TTC22: variants seen among roughly 807,000 people sequenced by gnomAD.
TTC22 encodes the protein tetratricopeptide repeat domain 22, also known as tetratricopeptide repeat protein 22.
Under a neutral mutation model 48.2 loss-of-function variants are expected in TTC22, and 42 were observed. That is an observed-to-expected ratio of 0.87 (90% CI 0.68 to 1.13). The LOEUF is 1.13. TTC22 is among the 50% of genes most tolerant of loss of function. The pLI is 0.00. For synonymous variants in TTC22, 345 were observed against 365.5 expected, an observed-to-expected ratio of 0.94 and a Z score of 0.64; for missense variants, 784 against 807.0, an observed-to-expected ratio of 0.97 and a Z score of 0.34.
intron 5 of TTC22, chr1:54,785,066 A>G (rs1411672750): frequency 5.2e-6 from 1 of 192,868 alleles, no homozygotes. Flanking sequence ...TGTAATTCTC[A>G]TAACAACTCC....
chr1:54,792,109 G>A (rs925460562), intron 1 of TTC22, among the ~76,000 whole-genome samples: 7 of 152,268 alleles, frequency 4.6e-5, no homozygotes, highest in Non-Finnish European at 8.8e-5. Flanking sequence ...CACTATGCCT[G>A]AATTGCAGGG....
chr1:54,792,621 C>T (rs1388882572), intron 1 of TTC22, among the ~76,000 whole-genome samples: 3 of 152,082 alleles, frequency 2.0e-5, no homozygotes, highest in Admixed American at 1.3e-4. Context: ...TTAGTAGAGA[C>T]GGGGTTTCTC....
Position 54,787,700 on chromosome 1 carries a change from C to CG in TTC22, c.739+10dup. 6.2e-7 allele frequency: 1 copy of CG among 1,604,130 alleles called. No individual in the cohort carries two copies. Among genetic ancestry groups the CG allele is most frequent in the Non-Finnish European group, 8.5e-7 (1 of 1,173,794 alleles). On this transcript the variant is annotated intron_variant, in intron 3 of 6. Coordinates refer to ENST00000371276, the MANE Select transcript of TTC22 (RefSeq NM_001114108.2). Reference sequence around the variant, plus strand: ...AGAGGCTGCTGTCCCACCCATCCCCCGGGTCCCCACCTCGGTGGCGGGGGT... The same window carrying CG: ...AGAGGCTGCTGTCCCACCCATCCCCCGGGGTCCCCACCTCGGTGGCGGGGGT...
At chr1:54,785,933 G>A in intron 5 of TTC22, 50 bp downstream of exon 5, 1 of 1,577,912 alleles carries the variant, frequency 6.3e-7, no homozygotes, top group Non-Finnish European at 8.6e-7. Flanking sequence ...TCTGGCCCTT[G>A]TTCTCTGATT....
At position 54,787,008 on chromosome 1, in the gene TTC22, G is replaced by T; in HGVS notation, c.807C>A (p.Gly269=). The T allele has an allele frequency of 2.6e-6, 4 of 1,562,822 alleles. No homozygotes were observed. Among genetic ancestry groups the T allele is most frequent in the Middle Eastern group, 1.7e-4 (1 of 5,818 alleles). Residue 269 remains glycine, a synonymous_variant, in exon 4 of 7, where the codon GGC becomes GGA. Transcript: ENST00000371276. The stretch of plus-strand genomic sequence containing the variant: ...TCCCTGAGTACCCGCAGTCATGGAC[G>T]CCCATGGGGGTGGTGGAGAAGGTGT... The part of the protein sequence containing the change: ...RKDTFSTTPM[G]VHDCGYSGTD...
intron 5 of TTC22, among the ~76,000 whole-genome samples, chr1:54,784,232 T>C (rs12045885): frequency 0.19 from 28,951 of 152,084 alleles, 3,742 homozygotes; most frequent in East Asian, 0.51. Flanking sequence ...GCCACGCTTA[T>C]GGGCCGCAGC....
intron 1 of TTC22, among the ~76,000 whole-genome samples, chr1:54,793,524 G>A (rs1646368332): frequency 6.6e-6 from 1 of 152,108 alleles, no homozygotes; most frequent in African/African-American, 2.4e-5. Context: ...CATTTACAAA[G>A]GGCTTTCACA....
At chr1:54,788,724 C>T (rs893308040) in intron 1 of TTC22, among the ~76,000 whole-genome samples, 13 of 152,210 alleles carry the variant, frequency 8.5e-5, no homozygotes, top group African/African-American at 9.7e-5. Context: ...CCACATTCAT[C>T]TCCCGTCCCT....
chr1:54,798,000 A>C (rs1646405400), intron 1 of TTC22, among the ~76,000 whole-genome samples: 1 of 152,026 alleles, frequency 6.6e-6, no homozygotes, highest in African/African-American at 2.4e-5. Flanking sequence ...CTCTGGACAC[A>C]TGGAAACCCA....
chr1:54,797,388 C>T (rs143643751), intron 1 of TTC22, among the ~76,000 whole-genome samples: 24 of 152,226 alleles, frequency 1.6e-4, no homozygotes, highest in African/African-American at 2.6e-4. Context: ...TGTGGCTGGG[C>T]GCGGTGGCTC....
intron 1 of TTC22, among the ~76,000 whole-genome samples, chr1:54,799,305 G>A (rs1229974474): frequency 2.0e-5 from 3 of 152,190 alleles, no homozygotes; most frequent in Admixed American, 2.0e-4. Flanking sequence ...TGTTCCCAGA[G>A]AGGGAAGAGC....
Position 54,780,811 on chromosome 1 carries a change from G to C in TTC22, c.*432C>G, listed in dbSNP as rs1016741938. Reference sequence around the variant, plus strand: ...CACACTCCAGTCAACTAAAGTAAACGGGGCTTTCTCATAAGGATAGAGTGT... The same window carrying C: ...CACACTCCAGTCAACTAAAGTAAACCGGGCTTTCTCATAAGGATAGAGTGT... On this transcript the variant is annotated 3_prime_UTR_variant, in exon 7 of 7. Transcript: ENST00000371276. 1.3e-5 allele frequency: 2 copies of C among 155,388 alleles called. No individual in the cohort carries two copies. The highest frequency in any genetic ancestry group is 6.5e-5 in the Admixed American group (1 of 15,350). 9.6% of individuals were successfully genotyped at this position (155,388 alleles called of 1,614,324 possible). A position where few individuals can be genotyped will look rare whatever the true frequency, so the allele number is the denominator to read the frequency against.
At position 54,779,723 on chromosome 1, in the gene TTC22, T is replaced by A. The variant is rs1395488414; in HGVS notation, c.*1520A>T. 2.0e-5 allele frequency: 3 copies of A among 152,162 alleles called. No individual in the cohort carries two copies. The highest frequency in any genetic ancestry group is 1.9e-4 in the East Asian group (1 of 5,202). The allele number at this position is 152,162 out of a possible 1,614,324, so 9.4% of individuals were successfully genotyped here. A position where few individuals can be genotyped will look rare whatever the true frequency, so the allele number is the denominator to read the frequency against. On this transcript the variant is annotated 3_prime_UTR_variant, in exon 7 of 7. Coordinates refer to ENST00000371276, the MANE Select transcript of TTC22 (RefSeq NM_001114108.2). ...TAAACACTGAATACTTTAGTGTTGA[T>A]CAGTTTATTAGTATTTTTCCAAACC...
Position 54,786,156 on chromosome 1 carries a change from A to G in TTC22, c.859-12T>C. On this transcript the variant is annotated splice_polypyrimidine_tract_variant and intron_variant, in intron 4 of 6. Transcript: ENST00000371276. ...GCAATCTCAATGGCCTAGGTAAGGGAGGAGTGCAAAAACAAACCACTTGCT... is the reference window on the plus strand; with the variant it reads ...GCAATCTCAATGGCCTAGGTAAGGGGGGAGTGCAAAAACAAACCACTTGCT... 1 of 1,613,168 alleles carries G rather than the reference A, an allele frequency of 6.2e-7. No individual in the cohort carries two copies. The highest frequency in any genetic ancestry group is 8.5e-7 in the Non-Finnish European group (1 of 1,179,392).
Position 54,801,118 on chromosome 1 carries a change from C to T in TTC22, c.46G>A (p.Asp16Asn), listed in dbSNP as rs947106148. 5.6e-6 allele frequency: 9 copies of T among 1,611,408 alleles called. No homozygotes were observed. Among genetic ancestry groups the T allele is most frequent in the Admixed American group, 1.7e-5 (1 of 59,954 alleles). Residue 16 changes from aspartate to asparagine, a missense_variant, in exon 1 of 7, where the codon GAC becomes AAC. Transcript: ENST00000371276. ...TGGCCCGGGAGGTAGTCCAGGTCGT[C>T]GATGAGGGCGTCTAGATCGTCGGCC... Reference protein sequence around the residue: ...AVADDLDALIDDLDYLPGHFH... With the variant: ...AVADDLDALINDLDYLPGHFH...
intron 4 of TTC22, 174 bp downstream of exon 4, chr1:54,786,783 T>C (rs916691756): frequency 2.4e-6 from 1 of 418,998 alleles, no homozygotes; most frequent in Admixed American, 4.3e-5. Flanking sequence ...ATGGGGAGGG[T>C]CTCTTTTGTT....
At position 54,780,980 on chromosome 1, in the gene TTC22, T is replaced by C. The variant is rs935480476; in HGVS notation, c.*263A>G. ...TTTTACCTGTATGTCTAGAAAATTC[T>C]GTCCCTTAATTGGCAGCTTCCCAGT... On this transcript the variant is annotated 3_prime_UTR_variant, in exon 7 of 7. Transcript: ENST00000371276. 3.7e-5 allele frequency: 13 copies of C among 352,634 alleles called. No individual in the cohort carries two copies. Among genetic ancestry groups the C allele is most frequent in the Non-Finnish European group, 5.6e-5 (11 of 196,366 alleles). The allele number at this position is 352,634 out of a possible 1,614,324, so 21.8% of individuals were successfully genotyped here.
chr1:54,781,196 G>A lies in TTC22; in HGVS notation c.*47C>T. 7.5e-7 allele frequency: 1 copy of A among 1,324,714 alleles called. No homozygotes were observed. The highest frequency in any genetic ancestry group is 9.7e-7 in the Non-Finnish European group (1 of 1,025,684). The allele number at this position is 1,324,714 out of a possible 1,614,324, so 82.1% of individuals were successfully genotyped here. On this transcript the variant is annotated 3_prime_UTR_variant, in exon 7 of 7. Transcript: ENST00000371276. ...CGGACCTGGTCCCATCAGCTGGGCGGGGCCTGGGCGGGGTCCCAGGGAGCC... is the reference window on the plus strand; with the variant it reads ...CGGACCTGGTCCCATCAGCTGGGCGAGGCCTGGGCGGGGTCCCAGGGAGCC...
chr1:54,794,100 A>G (rs933928438), intron 1 of TTC22, among the ~76,000 whole-genome samples: 2 of 152,202 alleles, frequency 1.3e-5, no homozygotes, highest in African/African-American at 2.4e-5. Context: ...AAGTTTGAGA[A>G]CCATTGCACA....
Sources: allele counts gnomAD v4.1 joint callset (sites outside exome capture counted in the v4.1 genomes callset), GRCh38; gene constraint gnomAD v4.1.1; transcripts MANE v1.5; gene names NCBI Gene and HGNC (gene_info 2026-07-23, HGNC 2026-07-21).